The following GPM6A variants were observed in gnomAD, a reference collection of about 807,000 sequenced individuals.
GPM6A encodes the protein glycoprotein M6A, also known as neuronal membrane glycoprotein M6-a.
A neutral mutation model predicts 32.1 loss-of-function variants in GPM6A; 7 were observed. That is an observed-to-expected ratio of 0.22 (90% CI 0.12 to 0.41). The LOEUF is 0.41. GPM6A is among the 10% of genes least tolerant of loss of function. The pLI is 1.00. For synonymous variants in GPM6A, 130 were observed against 123.4 expected (o/e 1.05, Z -0.35); for missense variants, 235 against 347.2 (o/e 0.68, Z 2.57).
chr4:175,728,622 T>C (rs1023444778), intron 1 of GPM6A, among the ~76,000 whole-genome samples: 2 of 152,188 alleles, frequency 1.3e-5, no homozygotes, highest in Admixed American at 1.3e-4. Flanking sequence ...ATTTTTTCCA[T>C]GCTCATAAAA....
At chr4:175,791,152 T>C (rs1178278548) in intron 1 of GPM6A, among the ~76,000 whole-genome samples, 1 of 152,262 alleles carries the variant, frequency 6.6e-6, no homozygotes, top group East Asian at 1.9e-4. Context: ...TAAAATAAAA[T>C]TGATTCTCAG....
chr4:175,782,651 C>T (rs1446961279), intron 1 of GPM6A, among the ~76,000 whole-genome samples: 1 of 152,044 alleles, frequency 6.6e-6, no homozygotes, highest in Non-Finnish European at 1.5e-5. Context: ...AAACACAAGT[C>T]ATGGAAATTA....
In GPM6A at chr4:175,634,857, A is replaced by G. The variant is rs1579319822; in HGVS notation, c.*48T>C. 3 of 1,523,150 alleles carry G rather than the reference A, an allele frequency of 2.0e-6. No homozygotes were observed. The highest frequency in any genetic ancestry group is 2.7e-6 in the Non-Finnish European group (3 of 1,103,514). 94.4% of individuals were successfully genotyped at this position (1,523,150 alleles called of 1,614,324 possible). A position where few individuals can be genotyped will look rare whatever the true frequency, so the allele number is the denominator to read the frequency against. On this transcript the variant is annotated 3_prime_UTR_variant, in exon 7 of 7. Transcript: ENST00000393658. ...AAGGTTGGATGGTTGGATGGCCCTT[A>G]GTTAAACACCAATGCATTCAAATGG...
intron 1 of GPM6A, among the ~76,000 whole-genome samples, chr4:175,979,127 AC>A (rs1213448116): frequency 3.3e-5 from 5 of 152,204 alleles, no homozygotes; most frequent in Non-Finnish European, 7.3e-5. Context: ...TTACCAAGAA[AC>A]AACTGCCACA....
At chr4:175,771,326 A>G (rs989398034) in intron 1 of GPM6A, among the ~76,000 whole-genome samples, 6 of 152,068 alleles carry the variant, frequency 3.9e-5, no homozygotes, top group Non-Finnish European at 8.8e-5. Flanking sequence ...TAATCCCAGG[A>G]CTTTTGGGAG....
intron 1 of GPM6A, among the ~76,000 whole-genome samples, chr4:175,797,682 C>T (rs889850776): frequency 3.9e-5 from 6 of 152,138 alleles, no homozygotes; most frequent in Admixed American, 3.9e-4. Context: ...TTTTACAATA[C>T]TTTTTGAAGT....
chr4:175,916,690 C>A (rs1399050851), intron 1 of GPM6A, among the ~76,000 whole-genome samples: 1 of 152,098 alleles, frequency 6.6e-6, no homozygotes, highest in Non-Finnish European at 1.5e-5. Context: ...TCTGAGCTAA[C>A]ACACACTTTC....
chr4:175,929,343 T>C (rs1473807962), intron 1 of GPM6A, among the ~76,000 whole-genome samples: 1 of 152,236 alleles, frequency 6.6e-6, no homozygotes, highest in Non-Finnish European at 1.5e-5. Flanking sequence ...CATTAGTTCA[T>C]GCTCAACGCC....
At chr4:175,719,635 T>C (rs564747149) in intron 1 of GPM6A, among the ~76,000 whole-genome samples, 1 of 152,134 alleles carries the variant, frequency 6.6e-6, no homozygotes, top group East Asian at 1.9e-4. Flanking sequence ...ATTGCCACCA[T>C]TTGTTAAAAG....
chr4:175,708,650 A>G (rs1219048042), intron 1 of GPM6A, among the ~76,000 whole-genome samples: 9 of 152,090 alleles, frequency 5.9e-5, no homozygotes, highest in Non-Finnish European at 1.3e-4. Flanking sequence ...ACTAAATGTC[A>G]ATGCCTTGAG....
intron 1 of GPM6A, among the ~76,000 whole-genome samples, chr4:175,727,411 G>A (rs1731223465): frequency 6.6e-6 from 1 of 152,110 alleles, no homozygotes; most frequent in Non-Finnish European, 1.5e-5. Flanking sequence ...AATGGAGAAT[G>A]CAACATAGGG....
At chr4:175,927,496 A>G (rs1158525429) in intron 1 of GPM6A, among the ~76,000 whole-genome samples, 1 of 152,250 alleles carries the variant, frequency 6.6e-6, no homozygotes, top group Non-Finnish European at 1.5e-5. Flanking sequence ...AGCTAGACCT[A>G]CGTCTCCCAA....
rs377278885 is a variant in GPM6A at position 175,884,656 on chromosome 4, C to T, written c.-22-72407G>A. On this transcript the variant is annotated intron_variant, in intron 1 of 7. Transcript: ENST00000280187. ...AAGCAATTCTCGTGCCTCAGCCTCT[C>T]GAGTAGCTGGGACTACCAGTGCCCA... Among the ~76,000 whole-genome samples the T allele has an allele frequency of 2.4e-4, 37 of 152,108 alleles. No individual in the cohort carries two copies. In the East Asian group the frequency reaches 5.4e-3, roughly 22 times the overall value.
At chr4:175,789,231 G>C (rs1579502338) in intron 1 of GPM6A, among the ~76,000 whole-genome samples, 1 of 152,178 alleles carries the variant, frequency 6.6e-6, no homozygotes, top group Non-Finnish European at 1.5e-5. Context: ...TTCAACAATA[G>C]ACTTTTGGAA....
intron 2 of GPM6A, among the ~76,000 whole-genome samples, chr4:175,682,877 C>G (rs1208733234): frequency 1.3e-5 from 2 of 152,156 alleles, no homozygotes; most frequent in Non-Finnish European, 2.9e-5. Context: ...GGAGGCCTCA[C>G]AAGAACCTCT....
At chr4:175,720,988 A>G (rs976165507) in intron 1 of GPM6A, among the ~76,000 whole-genome samples, 1 of 147,430 alleles carries the variant, frequency 6.8e-6, no homozygotes, top group Admixed American at 6.9e-5. Flanking sequence ...TTTTCCAACA[A>G]CTAGTAGTTA....
At chr4:175,978,775 A>T (rs1017242956) in intron 1 of GPM6A, among the ~76,000 whole-genome samples, 4 of 152,188 alleles carry the variant, frequency 2.6e-5, no homozygotes, top group African/African-American at 9.7e-5. Context: ...CTGAAACTCT[A>T]TCTCAATAGG....
chr4:175,776,244 T>G (rs1198797518), intron 1 of GPM6A, among the ~76,000 whole-genome samples: 1 of 152,182 alleles, frequency 6.6e-6, no homozygotes, highest in Non-Finnish European at 1.5e-5. Flanking sequence ...ATGTCTCCCA[T>G]TTTTAACTGA....
Position 175,833,387 on chromosome 4 carries a change from C to A in GPM6A, c.-22-21138G>T, listed in dbSNP as rs141160381. Among the ~76,000 whole-genome samples the A allele has an allele frequency of 3.3e-3, 499 of 152,248 alleles. 4 individuals are homozygous for A. Among genetic ancestry groups the A allele is most frequent in the African/African-American group, 0.012 (479 of 41,560 alleles). Reference sequence around the variant, plus strand: ...ACCTGTAGGACTCTGTAGAAGCATGCAGAGACGCAGCTGAATGCTAGTCCG... The same window carrying A: ...ACCTGTAGGACTCTGTAGAAGCATGAAGAGACGCAGCTGAATGCTAGTCCG... On this transcript the variant is annotated intron_variant, in intron 1 of 7. Coordinates refer to the GPM6A transcript ENST00000280187.
Sources: allele counts gnomAD v4.1 joint callset (sites outside exome capture counted in the v4.1 genomes callset), GRCh38; gene constraint gnomAD v4.1.1; transcripts MANE v1.5; gene names NCBI Gene and HGNC (gene_info 2026-07-23, HGNC 2026-07-21).